Variants in TAMM41 observed in about 807,000 individuals in gnomAD.
The protein encoded by TAMM41 is phosphatidate cytidylyltransferase, mitochondrial.
In TAMM41, 36 loss-of-function variants were observed where a neutral mutation model predicts 44.1. The observed-to-expected ratio is 0.82, with a 90% CI of 0.63 to 1.08. The LOEUF (loss-of-function observed/expected upper bound fraction) is 1.08, where lower values mean the gene tolerates loss of function less well. Ranked by LOEUF, TAMM41 falls within the 50% of genes least tolerant of loss-of-function variation. TAMM41 has a pLI of 0.00. For missense variants in TAMM41, 417 were observed against 404.3 expected, an observed-to-expected ratio of 1.03 and a Z score of -0.27; for synonymous variants, 164 against 153.1, an observed-to-expected ratio of 1.07 and a Z score of -0.53.
At chr3:11,829,002 T>C (rs1395057025) in intron 4 of TAMM41, among the ~76,000 whole-genome samples, 1 of 152,178 alleles carries the variant, frequency 6.6e-6, no homozygotes, top group Non-Finnish European at 1.5e-5. Context: ...AAACGGAACC[T>C]TACTATAGTA....
the TAMM41 span, among the ~76,000 whole-genome samples, chr3:11,780,156 G>A: frequency 3.3e-5 from 5 of 152,158 alleles, no homozygotes; most frequent in African/African-American, 1.2e-4. Context: ...AAAATCCCTG[G>A]CTGGCTCTCC....
the TAMM41 span, among the ~76,000 whole-genome samples, chr3:11,761,638 C>T: frequency 1.3e-5 from 2 of 151,984 alleles, no homozygotes; most frequent in Admixed American, 6.6e-5. Flanking sequence ...CGTGCATGTG[C>T]GTATTTGAAT....
the TAMM41 span, among the ~76,000 whole-genome samples, chr3:11,781,764 A>C: frequency 6.9e-6 from 1 of 145,620 alleles, no homozygotes; most frequent in Non-Finnish European, 1.5e-5. Context: ...TAATAATAAT[A>C]ATAATAATAA....
chr3:11,725,001 T>G, the TAMM41 span: 8 of 152,804 alleles, frequency 5.2e-5, no homozygotes, highest in African/African-American at 1.9e-4. Flanking sequence ...CTTCCGTATC[T>G]TCATAGTTCA....
chr3:11,749,293 C>T, the TAMM41 span, among the ~76,000 whole-genome samples: 2 of 152,138 alleles, frequency 1.3e-5, no homozygotes, highest in South Asian at 4.1e-4. Flanking sequence ...TGTCACATAG[C>T]CAGTAAGTGG....
chr3:11,726,111 A>G, the TAMM41 span, among the ~76,000 whole-genome samples: 1 of 152,244 alleles, frequency 6.6e-6, no homozygotes, highest in Non-Finnish European at 1.5e-5. Flanking sequence ...TAGTACATAT[A>G]GACATCTACT....
intron 3 of TAMM41, among the ~76,000 whole-genome samples, chr3:11,836,496 C>G (rs1254657378): frequency 1.3e-5 from 2 of 152,198 alleles, no homozygotes; most frequent in East Asian, 1.9e-4. Context: ...CAGAGTCTCG[C>G]TTTGTCACCC....
At chr3:11,798,661 T>TA (rs917610031) in intron 7 of TAMM41, among the ~76,000 whole-genome samples, 21 of 150,752 alleles carry the variant, frequency 1.4e-4, no homozygotes, top group South Asian at 4.2e-4. Flanking sequence ...AAATAAAAGT[T>TA]AAAAAAAAAG....
intron 5 of TAMM41, among the ~76,000 whole-genome samples, chr3:11,816,470 G>A (rs1443020996): frequency 1.3e-5 from 2 of 152,178 alleles, no homozygotes; most frequent in Non-Finnish European, 2.9e-5. Flanking sequence ...AGATCTGGAA[G>A]AACAGACAGC....
At chr3:11,839,189 C>G in intron 3 of TAMM41, 33 bp downstream of exon 3, 1 of 1,381,788 alleles carries the variant, frequency 7.2e-7, no homozygotes, top group Non-Finnish European at 1.0e-6. Flanking sequence ...AGAGGAAAGG[C>G]ATCCTTAACT....
At chr3:11,731,202 A>G in the TAMM41 span, among the ~76,000 whole-genome samples, 1 of 152,240 alleles carries the variant, frequency 6.6e-6, no homozygotes, top group Admixed American at 6.5e-5. Context: ...ATAATTTGAT[A>G]TATATAACTA....
downstream of TAMM41, among the ~76,000 whole-genome samples, chr3:11,788,721 A>G (rs978339131): frequency 6.6e-6 from 1 of 152,174 alleles, no homozygotes; most frequent in African/African-American, 2.4e-5. Flanking sequence ...GGATCACCTG[A>G]GGTCAGGAGT....
the TAMM41 span, among the ~76,000 whole-genome samples, chr3:11,772,372 T>G: frequency 1.3e-5 from 2 of 152,046 alleles, no homozygotes; most frequent in East Asian, 1.9e-4. Context: ...TGAGCCACCG[T>G]GCCCAGCCCA....
chr3:11,819,596 G>C (rs943080956), intron 4 of TAMM41, among the ~76,000 whole-genome samples: 4 of 152,060 alleles, frequency 2.6e-5, no homozygotes, highest in Non-Finnish European at 5.9e-5. Context: ...GAAACAAAGA[G>C]ATACAAAAGT....
intron 7 of TAMM41, among the ~76,000 whole-genome samples, chr3:11,803,460 T>C (rs2077814422): frequency 1.3e-5 from 2 of 152,154 alleles, no homozygotes; most frequent in South Asian, 2.1e-4. Context: ...TTATACACTG[T>C]TGAAGGGAAT....
chr3:11,819,950 G>T (rs1242560392), intron 4 of TAMM41, among the ~76,000 whole-genome samples: 1 of 152,120 alleles, frequency 6.6e-6, no homozygotes, highest in African/African-American at 2.4e-5. Context: ...GGAGATGGAC[G>T]TGCAAAGACA....
the TAMM41 span, among the ~76,000 whole-genome samples, chr3:11,768,150 T>TG: frequency 1.3e-5 from 2 of 151,590 alleles, no homozygotes; most frequent in African/African-American, 4.8e-5. Flanking sequence ...TTTTTGTTTT[T>TG]TTTTTGAGAT....
At chr3:11,837,436 T>C (rs543875971) in intron 3 of TAMM41, among the ~76,000 whole-genome samples, 1 of 151,696 alleles carries the variant, frequency 6.6e-6, no homozygotes, top group South Asian at 2.1e-4. Flanking sequence ...AAAGTGACAT[T>C]GCAAATACTT....
the TAMM41 span, among the ~76,000 whole-genome samples, chr3:11,744,641 G>A: frequency 6.6e-6 from 1 of 151,974 alleles, no homozygotes; most frequent in Non-Finnish European, 1.5e-5. Context: ...GTTGCAGTGA[G>A]CTGAGATCCT....
Sources: gnomAD v4.1 joint callset for allele counts (sites outside exome capture counted in the v4.1 genomes callset) on GRCh38, gnomAD v4.1.1 for gene constraint, MANE v1.5 for transcripts, NCBI Gene and HGNC (gene_info 2026-07-23, HGNC 2026-07-21) for gene names.